MED27: variants seen among roughly 807,000 people sequenced by gnomAD.
MED27 encodes the protein mediator complex subunit 27, also known as mediator of RNA polymerase II transcription subunit 27.
In MED27, 30 loss-of-function variants were observed where a neutral mutation model predicts 38.2. The observed-to-expected ratio is 0.79, with a 90% CI of 0.59 to 1.07. The LOEUF (loss-of-function observed/expected upper bound fraction) is 1.07, where lower values mean the gene tolerates loss of function less well. MED27 is among the 50% of genes least tolerant of loss of function. The pLI is 0.00. For missense variants in MED27, 289 were observed against 397.5 expected, an observed-to-expected ratio of 0.73 and a Z score of 2.32; for synonymous variants, 122 against 153.5, an observed-to-expected ratio of 0.79 and a Z score of 1.52.
intron 4 of MED27, among the ~76,000 whole-genome samples, chr9:131,922,630 T>TTTTTA (rs1830415228): frequency 7.8e-6 from 1 of 128,282 alleles, no homozygotes; most frequent in Non-Finnish European, 1.7e-5. Flanking sequence ...TATTTTTATT[T>TTTTTA]TTTTCTTTTC....
intron 2 of MED27, among the ~76,000 whole-genome samples, chr9:132,039,616 C>G (rs145469407): frequency 3.9e-5 from 6 of 152,342 alleles, no homozygotes; most frequent in African/African-American, 1.4e-4. Context: ...AAAGGCCACA[C>G]TGGATCCAAG....
intron 3 of MED27, among the ~76,000 whole-genome samples, chr9:131,945,865 A>G (rs1453179487): frequency 6.6e-6 from 1 of 150,746 alleles, no homozygotes; most frequent in Non-Finnish European, 1.5e-5. Flanking sequence ...CTACTTGGGA[A>G]GCTGAGATGG....
chr9:132,026,457 T>G (rs928683306), intron 2 of MED27, among the ~76,000 whole-genome samples: 14 of 152,250 alleles, frequency 9.2e-5, no homozygotes, highest in African/African-American at 3.4e-4. Context: ...TACATGACAG[T>G]GTGGGGGTTT....
chr9:132,010,613 C>T (rs1345017485), intron 3 of MED27, among the ~76,000 whole-genome samples: 1 of 152,126 alleles, frequency 6.6e-6, no homozygotes, highest in Non-Finnish European at 1.5e-5. Context: ...TTCACAATAG[C>T]AAAGACTTGG....
chr9:131,998,265 GAC>G (rs1564318069), intron 3 of MED27, among the ~76,000 whole-genome samples: 2 of 149,990 alleles, frequency 1.3e-5, no homozygotes. Flanking sequence ...AAAAAAAAAA[GAC>G]ACATTTTTAA....
intron 3 of MED27, among the ~76,000 whole-genome samples, chr9:131,968,829 C>T (rs1378306349): frequency 6.6e-6 from 1 of 152,176 alleles, no homozygotes. Flanking sequence ...TCTGTATTTA[C>T]AGTCGCTCCT....
At chr9:131,940,071 T>C (rs1311043403) in intron 3 of MED27, among the ~76,000 whole-genome samples, 1 of 151,826 alleles carries the variant, frequency 6.6e-6, no homozygotes, top group Non-Finnish European at 1.5e-5. Flanking sequence ...CACACCTGGC[T>C]ACTTTTTATA....
rs116152695 is a variant in MED27 at position 131,925,787 on chromosome 9, G to C, written c.573+13594C>G. 1.5e-3 allele frequency among the ~76,000 whole-genome samples: 231 copies of C among 152,302 alleles called. 1 individual carries two copies. The highest frequency in any genetic ancestry group is 5.5e-3 in the African/African-American group (229 of 41,572). On this transcript the variant is annotated intron_variant, in intron 4 of 7. Coordinates refer to ENST00000292035, the MANE Select transcript of MED27 (RefSeq NM_004269.4). ...GGACAGCAGCTCCTGCGGGGGCGGT[G>C]GGGGGCAATCCCAGGCAGCACAGGC...
intron 2 of MED27, among the ~76,000 whole-genome samples, chr9:132,034,655 C>T (rs1833034939): frequency 6.6e-6 from 1 of 152,154 alleles, no homozygotes; most frequent in South Asian, 2.1e-4. Context: ...CTCCTGTCTC[C>T]TCAGCAATCT....
At chr9:132,018,845 C>T (rs2131083098) in intron 2 of MED27, among the ~76,000 whole-genome samples, 1 of 152,206 alleles carries the variant, frequency 6.6e-6, no homozygotes, top group South Asian at 2.1e-4. Flanking sequence ...TCAAGATTCA[C>T]CAAAGGCTTC....
At chr9:132,062,179 G>C (rs1833710726) in intron 2 of MED27, among the ~76,000 whole-genome samples, 1 of 152,230 alleles carries the variant, frequency 6.6e-6, no homozygotes, top group Non-Finnish European at 1.5e-5. Context: ...TGTTTTGTTA[G>C]TTTGTTTTCT....
chr9:132,061,387 T>G (rs947521429), intron 2 of MED27, among the ~76,000 whole-genome samples: 1 of 152,244 alleles, frequency 6.6e-6, no homozygotes, highest in African/African-American at 2.4e-5. Flanking sequence ...TTACACCTTT[T>G]GACTTTGGTT....
intron 3 of MED27, among the ~76,000 whole-genome samples, chr9:131,998,840 G>A (rs1381846500): frequency 6.6e-6 from 1 of 151,678 alleles, no homozygotes; most frequent in Non-Finnish European, 1.5e-5. Context: ...AAGGAAATTG[G>A]TGGCTTTGAT....
intron 1 of MED27, 81 bp downstream of exon 1, chr9:132,079,561 G>A (rs1834127725): frequency 2.3e-6 from 3 of 1,326,734 alleles, no homozygotes; most frequent in South Asian, 1.2e-5. Flanking sequence ...AACAGCCCCT[G>A]CCTGGGAAGA....
At chr9:132,073,439 A>T (rs1833983986) in intron 2 of MED27, 1 of 1,100,990 alleles carries the variant, frequency 9.1e-7, no homozygotes, top group Non-Finnish European at 1.1e-6. Context: ...GTTGCTGGGG[A>T]CTCCCAGCAA....
At chr9:131,880,651 A>G (rs1327232085) in intron 6 of MED27, among the ~76,000 whole-genome samples, 1 of 152,236 alleles carries the variant, frequency 6.6e-6, no homozygotes, top group Admixed American at 6.5e-5. Context: ...ACAGACTGGA[A>G]GGAAGGAATT....
chr9:132,061,112 A>C (rs918541882), intron 2 of MED27, among the ~76,000 whole-genome samples: 1 of 152,204 alleles, frequency 6.6e-6, no homozygotes, highest in African/African-American at 2.4e-5. Context: ...CTCCAACACT[A>C]AAGGACACTT....
chr9:131,983,440 G>A (rs1831782758), intron 3 of MED27, among the ~76,000 whole-genome samples: 1 of 152,126 alleles, frequency 6.6e-6, no homozygotes, highest in Admixed American at 6.5e-5. Context: ...TAGGGAAGAG[G>A]GTCCTTTTAT....
At chr9:131,912,082 T>C (rs1208244671) in intron 4 of MED27, among the ~76,000 whole-genome samples, 1 of 152,168 alleles carries the variant, frequency 6.6e-6, no homozygotes, top group Non-Finnish European at 1.5e-5. Flanking sequence ...TGAGACTCTA[T>C]ATTAAACTAT....
Sources: allele counts gnomAD v4.1 joint callset (sites outside exome capture counted in the v4.1 genomes callset), GRCh38; gene constraint gnomAD v4.1.1; transcripts MANE v1.5; gene names NCBI Gene and HGNC (gene_info 2026-07-23, HGNC 2026-07-21).